The following LUC7L3 variants were observed in gnomAD, a reference collection of about 807,000 sequenced individuals.
LUC7L3 encodes the protein LUC7 like 3 pre-mRNA splicing factor, also known as luc7-like protein 3.
LUC7L3 carries 6 observed loss-of-function variants against 66.8 expected under a neutral mutation model. The ratio of observed to expected loss-of-function variants is 0.09; its 90% CI spans 0.05 to 0.18. The LOEUF (loss-of-function observed/expected upper bound fraction) is 0.18. LUC7L3 is among the 10% of genes least tolerant of loss of function. The pLI, the probability that LUC7L3 is intolerant of heterozygous loss-of-function variation, is 1.00. For synonymous variants in LUC7L3, 160 were observed against 174.7 expected (o/e 0.92, Z 0.66); for missense variants, 341 against 531.1 (o/e 0.64, Z 3.52).
At chr17:50,743,092 T>C (rs752887265) in intron 5 of LUC7L3, among the ~76,000 whole-genome samples, 8 of 152,004 alleles carry the variant, frequency 5.3e-5, no homozygotes, top group Non-Finnish European at 1.2e-4. Context: ...CTGGAGGAGG[T>C]ACTGAAAAGA....
At chr17:50,737,061 T>C (rs780983317) in intron 2 of LUC7L3, 35 bp downstream of exon 2, 12 of 1,495,974 alleles carry the variant, frequency 8.0e-6, no homozygotes, top group Non-Finnish European at 1.1e-5. Context: ...TTATCAAATT[T>C]ATGATATTTA....
chr17:50,721,636 G>A (rs1195641626), intron 1 of LUC7L3, among the ~76,000 whole-genome samples: 6 of 152,206 alleles, frequency 3.9e-5, no homozygotes, highest in Admixed American at 3.9e-4. Context: ...CAAAAACAAA[G>A]CACATGGTCT....
chr17:50,740,237 C>CTTTTTTTTTTTTT, intron 2 of LUC7L3, 69 bp from the exon 3 acceptor site: 1 of 1,135,096 alleles, frequency 8.8e-7, no homozygotes, highest in Non-Finnish European at 1.3e-6. Flanking sequence ...AAAAATAACT[C>CTTTTTTTTTTTTT]TTTTTTTTTG....
Position 50,741,200 on chromosome 17 carries a change from G to A in LUC7L3, c.305G>A (p.Arg102Gln). 2 of 1,614,160 alleles carry A rather than the reference G, an allele frequency of 1.2e-6. No individual in the cohort carries two copies. Among genetic ancestry groups the A allele is most frequent in the Non-Finnish European group, 1.7e-6 (2 of 1,180,022 alleles). The stretch of plus-strand genomic sequence containing the variant: ...GCAGAAGTAGAACGTAGGATCAGAC[G>A]AGGCCATGCTCGTTTGGCATTATCT... ...LLAEVERRIR[R>Q]GHARLALSQN... The change falls in exon 4 of 10, where the codon CGA (arginine) becomes CAA (glutamine). Residue 102 changes from arginine (R) to glutamine (Q), a missense_variant. Arg to Gln is a conservative substitution (Grantham distance 43). Around this residue, in one of 6 missense-constraint regions of LUC7L3, gnomAD observed 86 missense variants for 172.0 expected, o/e 0.50. Coordinates refer to ENST00000505658, the MANE Select transcript of LUC7L3 (RefSeq NM_016424.5).
At chr17:50,742,936 TAAA>T (rs1970438705) in intron 5 of LUC7L3, among the ~76,000 whole-genome samples, 1 of 152,178 alleles carries the variant, frequency 6.6e-6, no homozygotes, top group Admixed American at 6.5e-5. Context: ...GGGTGGATCT[TAAA>T]ATAATTAGGC....
rs369934758 is a variant in LUC7L3 at position 50,736,928 on chromosome 17, A to G, written c.100-32A>G. ...TCCAATAAAGTTTTAAAACCAAGCAATTTTTTAAGTACCTTTGTTTTTCTT... is the reference window on the plus strand; with the variant it reads ...TCCAATAAAGTTTTAAAACCAAGCAGTTTTTTAAGTACCTTTGTTTTTCTT... On this transcript the variant is annotated intron_variant, in intron 1 of 9. Transcript: ENST00000505658. The G allele has an allele frequency of 3.3e-5, 49 of 1,487,462 alleles. No homozygotes were observed. The African/African-American group carries it at 6.2e-4, about 19-fold the overall frequency. The allele number at this position is 1,487,462 out of a possible 1,614,324, so 92.1% of individuals were successfully genotyped here. A position where few individuals can be genotyped will look rare whatever the true frequency, so the allele number is the denominator to read the frequency against.
At chr17:50,746,497 A>T (rs1457904480) in intron 8 of LUC7L3, 45 bp from the exon 9 acceptor site, 1 of 1,579,688 alleles carries the variant, frequency 6.3e-7, no homozygotes, top group Non-Finnish European at 8.6e-7. Flanking sequence ...GCCTTTACTT[A>T]TTGTAATACT....
chr17:50,731,417 C>T (rs1222822895), intron 1 of LUC7L3, among the ~76,000 whole-genome samples: 1 of 152,188 alleles, frequency 6.6e-6, no homozygotes, highest in African/African-American at 2.4e-5. Context: ...ATCCGCCTGC[C>T]TCCGCCTCCC....
intron 2 of LUC7L3, among the ~76,000 whole-genome samples, chr17:50,737,933 C>A (rs945652824): frequency 2.6e-5 from 4 of 152,098 alleles, no homozygotes; most frequent in Non-Finnish European, 4.4e-5. Flanking sequence ...TAAAAGAAGT[C>A]AATTCATTAT....
chr17:50,744,599 G>C (rs1970552446), intron 6 of LUC7L3, 53 bp from the exon 7 acceptor site: 1 of 1,521,598 alleles, frequency 6.6e-7, no homozygotes, highest in Admixed American at 2.0e-5. Context: ...TACTTTCCTG[G>C]GATTTGTTTC....
chr17:50,733,714 CAT>C (rs1969794714), intron 1 of LUC7L3, among the ~76,000 whole-genome samples: 1 of 152,102 alleles, frequency 6.6e-6, no homozygotes, highest in South Asian at 2.1e-4. Context: ...TAAGACTTTT[CAT>C]GTGTGTGAGG....
intron 1 of LUC7L3, among the ~76,000 whole-genome samples, chr17:50,721,033 T>G (rs1463736405): frequency 1.3e-5 from 2 of 152,208 alleles, no homozygotes; most frequent in African/African-American, 4.8e-5. Context: ...AATAGGAGAC[T>G]AAGGAACTGC....
At chr17:50,744,118 TAATA>T (rs758946179) in intron 6 of LUC7L3, among the ~76,000 whole-genome samples, 4 of 152,270 alleles carry the variant, frequency 2.6e-5, no homozygotes, top group Non-Finnish European at 4.4e-5. Flanking sequence ...ATTTTTGTTG[TAATA>T]AATTACTCAG....
intron 2 of LUC7L3, chr17:50,738,053 C>A: frequency 2.4e-6 from 1 of 413,770 alleles, no homozygotes; most frequent in South Asian, 1.8e-5. Context: ...GAATGTAAAA[C>A]AGAGTAAATG....
At chr17:50,740,380 G>GTTAT (rs1970274371) in intron 3 of LUC7L3, 35 bp downstream of exon 3, 2 of 1,583,952 alleles carry the variant, frequency 1.3e-6, no homozygotes, top group Non-Finnish European at 1.7e-6. Flanking sequence ...CACCCCCCCA[G>GTTAT]TTATTAGTTG....
chr17:50,751,810 C>T lies in LUC7L3; in HGVS notation c.*1149C>T, dbSNP rs1477474863. ...TTTGTGAAATCAAAGAACTGATGCACTATATAGAACGAATTTGGGTTTTTA... is the reference window on the plus strand; with the variant it reads ...TTTGTGAAATCAAAGAACTGATGCATTATATAGAACGAATTTGGGTTTTTA... On this transcript the variant is annotated 3_prime_UTR_variant, in exon 10 of 10. Transcript: ENST00000505658. 9.9e-7 allele frequency: 1 copy of T among 1,013,398 alleles called. No homozygotes were observed. The highest frequency in any genetic ancestry group is 1.0e-4 in the East Asian group (1 of 9,826). 62.8% of individuals were successfully genotyped at this position (1,013,398 alleles called of 1,614,324 possible). A position where few individuals can be genotyped will look rare whatever the true frequency, so the allele number is the denominator to read the frequency against.
chr17:50,749,012 A>G (rs942562379), intron 9 of LUC7L3, among the ~76,000 whole-genome samples: 1 of 152,210 alleles, frequency 6.6e-6, no homozygotes, highest in African/African-American at 2.4e-5. Context: ...GCAAATGAGA[A>G]AAAGCAAGTT....
Position 50,738,253 on chromosome 17 carries a change from ATGATAAAGCCCATTCATGAGC to A in LUC7L3, c.166+1231_166+1251del, listed in dbSNP as rs1597918799. ...GAAAGTCTTACTGCCTGATTTTCCT[ATGATAAAGCCCATTCATGAGC>A]TGACAAACCCTGCCTAATCCCTACT... is the stretch of plus-strand genomic sequence containing the variant. On this transcript the variant is annotated intron_variant, in intron 2 of 9. Coordinates refer to ENST00000505658, the MANE Select transcript of LUC7L3 (RefSeq NM_016424.5). The A allele has an allele frequency of 6.0e-5, 24 of 398,962 alleles. No individual in the cohort carries two copies. The East Asian group carries it at 1.9e-3, about 31-fold the overall frequency. The allele number at this position is 398,962 out of a possible 1,614,324, so 24.7% of individuals were successfully genotyped here. A position where few individuals can be genotyped will look rare whatever the true frequency, so the allele number is the denominator to read the frequency against.
chr17:50,741,591 T>C (rs1202548272), intron 4 of LUC7L3, 66 bp from the exon 5 acceptor site: 2 of 886,910 alleles, frequency 2.3e-6, no homozygotes, highest in East Asian at 5.1e-5. Flanking sequence ...ATGTATGGTA[T>C]GTGCAAGTTT....
Sources: allele counts gnomAD v4.1 joint callset (sites outside exome capture counted in the v4.1 genomes callset), GRCh38; gene constraint gnomAD v4.1.1; regional missense constraint gnomAD v4.1.1; transcripts MANE v1.5; gene names NCBI Gene and HGNC (gene_info 2026-07-23, HGNC 2026-07-21).